Variants in IGFL2 observed in about 807,000 individuals in gnomAD.
The protein encoded by IGFL2 is insulin growth factor-like family member 2.
In IGFL2, 7 loss-of-function variants were observed where a neutral mutation model predicts 13.9. The observed-to-expected ratio is 0.51, with a 90% CI of 0.29 to 0.95. IGFL2 has a LOEUF of 0.95. IGFL2 is among the 40% of genes least tolerant of loss of function. The pLI is 0.08. For missense variants in IGFL2, 138 were observed against 147.8 expected, an observed-to-expected ratio of 0.93 and a Z score of 0.34; for synonymous variants, 55 against 55.8, an observed-to-expected ratio of 0.99 and a Z score of 0.07.
chr19:46,202,301 A>G, the IGFL2 span, among the ~76,000 whole-genome samples: 1 of 152,148 alleles, frequency 6.6e-6, no homozygotes, highest in Non-Finnish European at 1.5e-5. Context: ...CGAAAGTGCC[A>G]TTTTCTGGCC....
the IGFL2 span, among the ~76,000 whole-genome samples, chr19:46,119,505 C>T: frequency 7.1e-6 from 1 of 141,044 alleles, no homozygotes; most frequent in East Asian, 2.2e-4. Flanking sequence ...TGCTCTGGGG[C>T]CTAAAAACAG....
the IGFL2 span, among the ~76,000 whole-genome samples, chr19:46,086,517 T>G: frequency 6.6e-6 from 1 of 152,248 alleles, no homozygotes; most frequent in Non-Finnish European, 1.5e-5. Flanking sequence ...AGAGACAGGG[T>G]TCCACCATGT....
At chr19:46,161,492 A>G (rs931062174), downstream of IGFL2, among the ~76,000 whole-genome samples, 18 of 152,212 alleles carry the variant, frequency 1.2e-4, no homozygotes, top group Non-Finnish European at 1.0e-4. Flanking sequence ...AGTTTCCTCT[A>G]TTAATCTATG....
chr19:46,147,326 T>C (rs1973190000), upstream of IGFL2, among the ~76,000 whole-genome samples: 1 of 152,198 alleles, frequency 6.6e-6, no homozygotes, highest in South Asian at 2.1e-4. Flanking sequence ...GGACAGAATA[T>C]ACTAGGCCCA....
the IGFL2 span, chr19:46,112,219 A>G: frequency 6.6e-6 from 1 of 152,256 alleles, no homozygotes; most frequent in East Asian, 1.9e-4. Flanking sequence ...CAATTTAACT[A>G]ATAGGCAAGT....
the IGFL2 span, among the ~76,000 whole-genome samples, chr19:46,082,165 C>G: frequency 6.6e-6 from 1 of 152,184 alleles, no homozygotes; most frequent in Admixed American, 6.5e-5. Flanking sequence ...AGTTTTCACA[C>G]CATCTTCTCT....
the IGFL2 span, chr19:46,112,263 T>C: frequency 1.3e-5 from 2 of 152,156 alleles, no homozygotes. Context: ...ATTTTGGAGG[T>C]CCAAGATCTG....
chr19:46,151,354 A>G lies in IGFL2; in HGVS notation c.19+3057A>G, dbSNP rs761861172. On this transcript the variant is annotated intron_variant, in intron 1 of 3. Transcript: ENST00000377693. ...TCCCAGCACCATTTGTTGAAAAATC[A>G]TTTGTTCCCTTACTTCATAGTCCTA... Among the ~76,000 whole-genome samples the G allele has an allele frequency of 6.6e-5, 10 of 152,116 alleles. 1 individual carries two copies. The highest frequency in any genetic ancestry group is 1.5e-4 in the Non-Finnish European group (10 of 68,026).
At chr19:46,151,310 G>T (rs1973475266) in intron 1 of IGFL2, among the ~76,000 whole-genome samples, 1 of 152,160 alleles carries the variant, frequency 6.6e-6, no homozygotes, top group Admixed American at 6.5e-5. Context: ...CCACTCTTTT[G>T]TGTATGAATA....
chr19:46,129,006 C>A, the IGFL2 span, among the ~76,000 whole-genome samples: 1 of 152,140 alleles, frequency 6.6e-6, no homozygotes, highest in Admixed American at 6.5e-5. Flanking sequence ...CTATTTATTG[C>A]TGATTCAATT....
the IGFL2 span, among the ~76,000 whole-genome samples, chr19:46,194,495 T>C: frequency 6.6e-6 from 1 of 152,018 alleles, no homozygotes; most frequent in Admixed American, 6.6e-5. Flanking sequence ...CAGTAAAGCT[T>C]TTCAATGGCT....
the IGFL2 span, among the ~76,000 whole-genome samples, chr19:46,121,653 G>A: frequency 9.9e-4 from 150 of 151,004 alleles, 2 homozygotes; most frequent in Non-Finnish European, 7.5e-4. Context: ...TTAGTGTCAC[G>A]TGAGTAGTAA....
At chr19:46,210,566 C>CT in the IGFL2 span, among the ~76,000 whole-genome samples, 20 of 152,156 alleles carry the variant, frequency 1.3e-4, no homozygotes, top group Admixed American at 1.3e-4. Context: ...TGTCCCAAAG[C>CT]TGAAGAACGT....
the IGFL2 span, among the ~76,000 whole-genome samples, chr19:46,134,069 C>T: frequency 3.9e-4 from 60 of 152,116 alleles, no homozygotes; most frequent in African/African-American, 1.3e-3. Context: ...GAGAGGTATA[C>T]GGTATGCAGG....
intron 1 of IGFL2, chr19:46,149,159 T>A: frequency 1.4e-6 from 1 of 695,456 alleles, no homozygotes; most frequent in South Asian, 1.6e-5. Context: ...TCCCTCTCTC[T>A]CTTCTCTCTC....
chr19:46,155,815 G>C (rs1344505232), intron 1 of IGFL2, among the ~76,000 whole-genome samples: 1 of 151,842 alleles, frequency 6.6e-6, no homozygotes, highest in Non-Finnish European at 1.5e-5. Flanking sequence ...ATCTGTATCT[G>C]AACTCTGTTT....
upstream of IGFL2, among the ~76,000 whole-genome samples, chr19:46,145,198 G>A (rs1008212089): frequency 1.3e-5 from 2 of 152,012 alleles, no homozygotes; most frequent in Non-Finnish European, 2.9e-5. Flanking sequence ...CAGCCAAAAT[G>A]TTTTTCGGGG....
chr19:46,200,162 T>A, the IGFL2 span, among the ~76,000 whole-genome samples: 2 of 150,112 alleles, frequency 1.3e-5, no homozygotes, highest in African/African-American at 4.9e-5. Flanking sequence ...TAATTTTTTT[T>A]AATTTTTATT....
chr19:46,162,012 C>G (rs8107557), downstream of IGFL2, among the ~76,000 whole-genome samples: 80,219 of 151,996 alleles, frequency 0.53, 21,731 homozygotes, highest in Middle Eastern at 0.64. Context: ...CAGAGCTGGT[C>G]GTAATGAATT....
Sources: gnomAD v4.1 joint callset for allele counts (sites outside exome capture counted in the v4.1 genomes callset) on GRCh38, gnomAD v4.1.1 for gene constraint, MANE v1.5 for transcripts, NCBI Gene and HGNC (gene_info 2026-07-23, HGNC 2026-07-21) for gene names.